The following SSUH2 variants were observed in gnomAD, a reference collection of about 807,000 sequenced individuals.
The protein encoded by SSUH2 is protein SSUH2 homolog.
SSUH2 carries 47 observed loss-of-function variants against 55.3 expected under a neutral mutation model. That is an observed-to-expected ratio of 0.85 (90% CI 0.67 to 1.08). The LOEUF (loss-of-function observed/expected upper bound fraction) is 1.08, where lower values mean the gene tolerates loss of function less well. SSUH2 is among the 50% of genes least tolerant of loss of function. The pLI is 0.00. For synonymous variants in SSUH2, 212 were observed against 191.5 expected, an observed-to-expected ratio of 1.11 and a Z score of -0.89; for missense variants, 535 against 490.7, an observed-to-expected ratio of 1.09 and a Z score of -0.85.
At position 8,666,610 on chromosome 3, in the gene SSUH2, G is replaced by A. The variant is rs994783251; in HGVS notation, c.-454-2808C>T. ...TACCACCGCAACAATCATCAACACAGAAGATGACATCTGTGACCAAATGTA... is the reference window on the plus strand; with the variant it reads ...TACCACCGCAACAATCATCAACACAAAAGATGACATCTGTGACCAAATGTA... On this transcript the variant is annotated intron_variant, in intron 5 of 18. Transcript: ENST00000317371. Among the ~76,000 whole-genome samples, 3 of 152,212 alleles carry A rather than the reference G, an allele frequency of 2.0e-5. No individual in the cohort carries two copies. The East Asian group carries it at 5.8e-4, about 29-fold the overall frequency.
chr3:8,668,993 A>G (rs1308628825), intron 5 of SSUH2, among the ~76,000 whole-genome samples: 1 of 152,032 alleles, frequency 6.6e-6, no homozygotes, highest in Non-Finnish European at 1.5e-5. Flanking sequence ...GGAAGGAGGA[A>G]GAGAGGAAAG....
At chr3:8,679,815 A>C (rs377642) in exon 2 of SSUH2, 58,988 of 152,812 alleles carry the variant, frequency 0.39, 11,703 homozygotes, top group South Asian at 0.4. Flanking sequence ...GCCCAGGATC[A>C]GAAAGAAAGC....
chr3:8,660,285 A>G (rs1262767729), intron 6 of SSUH2, among the ~76,000 whole-genome samples: 2 of 152,204 alleles, frequency 1.3e-5, no homozygotes, highest in African/African-American at 4.8e-5. Flanking sequence ...ACTTTCCATC[A>G]AAGGAAAAGA....
At chr3:8,624,565 T>C (rs1105162) in intron 10 of SSUH2, among the ~76,000 whole-genome samples, 17,646 of 152,212 alleles carry the variant, frequency 0.12, 3,405 homozygotes, top group African/African-American at 0.4. Flanking sequence ...GAAGTCCCAT[T>C]GAAGCCAATC....
chr3:8,667,391 C>G (rs1704087419), intron 5 of SSUH2, among the ~76,000 whole-genome samples: 1 of 152,318 alleles, frequency 6.6e-6, no homozygotes, highest in Middle Eastern at 3.4e-3. Context: ...TGAGGACAAT[C>G]AGAGGTCACT....
chr3:8,634,019 T>A, intron 3 of SSUH2: 1 of 1,463,184 alleles, frequency 6.8e-7, no homozygotes, highest in South Asian at 1.3e-5. Flanking sequence ...AAAAACACTT[T>A]AGTTGAAATG....
Position 8,661,688 on chromosome 3 carries a change from T to C in SSUH2, c.-396+2056A>G, listed in dbSNP as rs187734478. The stretch of plus-strand genomic sequence containing the variant: ...CAGCCTCAGTTTCCACAGGACCACA[T>C]GAAGAGGGCCAGGTAATACTGTATA... On this transcript the variant is annotated intron_variant, in intron 6 of 18. Transcript: ENST00000317371. Among the ~76,000 whole-genome samples the C allele has an allele frequency of 1.2e-4, 18 of 152,286 alleles. No homozygotes were observed. The East Asian group carries it at 3.5e-3, about 29-fold the overall frequency.
chr3:8,620,384 G>A (rs4686280), intron 11 of SSUH2, among the ~76,000 whole-genome samples: 4 of 152,072 alleles, frequency 2.6e-5, no homozygotes, highest in Admixed American at 2.0e-4. Context: ...TCTGCCTCCC[G>A]CCATGATTGT....
intron 1 of SSUH2, among the ~76,000 whole-genome samples, chr3:8,681,418 G>A (rs1430379296): frequency 2.1e-5 from 3 of 143,414 alleles, no homozygotes; most frequent in South Asian, 2.3e-4. Context: ...CACCCCCGGC[G>A]AGCCCGGGAC....
intron 8 of SSUH2, chr3:8,627,441 T>C (rs1306215354): frequency 2.7e-6 from 1 of 372,172 alleles, no homozygotes; most frequent in Non-Finnish European, 4.8e-6. Context: ...GTCCCTGTGT[T>C]TCCTCCCTGC....
At chr3:8,653,234 A>T (rs960649957) in intron 7 of SSUH2, among the ~76,000 whole-genome samples, 1 of 152,260 alleles carries the variant, frequency 6.6e-6, no homozygotes, top group African/African-American at 2.4e-5. Context: ...CGCAGATGTC[A>T]TCTGCTCCAA....
chr3:8,630,494 A>C (rs938840086), intron 6 of SSUH2, among the ~76,000 whole-genome samples: 1 of 152,228 alleles, frequency 6.6e-6, no homozygotes, highest in Non-Finnish European at 1.5e-5. Flanking sequence ...AGCTAAAATA[A>C]ATTTTTAAAA....
intron 1 of SSUH2, among the ~76,000 whole-genome samples, chr3:8,643,857 G>A (rs77706240): frequency 0.012 from 1,890 of 152,102 alleles, 38 homozygotes; most frequent in African/African-American, 0.043. Context: ...AACCAATCTC[G>A]TTTTATAGAT....
intron 1 of SSUH2, among the ~76,000 whole-genome samples, chr3:8,636,104 C>G (rs912415770): frequency 3.3e-5 from 5 of 152,152 alleles, no homozygotes; most frequent in African/African-American, 4.8e-5. Flanking sequence ...CGTGAATATG[C>G]ATTATTGCAT....
At chr3:8,677,528 A>G (rs1705505962) in intron 2 of SSUH2, 2 of 150,808 alleles carry the variant, frequency 1.3e-5, no homozygotes, top group South Asian at 2.1e-4. Context: ...AGTTAAAGGA[A>G]AAACTTCTGG....
intron 3 of SSUH2, among the ~76,000 whole-genome samples, chr3:8,674,747 A>G (rs908805806): frequency 6.6e-6 from 1 of 152,114 alleles, no homozygotes; most frequent in African/African-American, 2.4e-5. Flanking sequence ...CTTTGCTGCT[A>G]AAGTTACCCA....
At position 8,644,795 on chromosome 3, in the gene SSUH2, G is replaced by T. The variant is rs9990415; in HGVS notation, c.-37C>A. 0.016 allele frequency: 24,703 copies of T among 1,534,144 alleles called. 2,556 individuals are homozygous for T. The African/African-American group carries it at 0.26, about 16-fold the overall frequency. On this transcript the variant is annotated 5_prime_UTR_variant, in exon 1 of 12. Transcript: ENST00000544814. ...CCTGCCAAAGAGATGTCTGCCCTTC[G>T]AGTGTGCTTGGACCGATGTGCTCTG...
At position 8,640,136 on chromosome 3, in the gene SSUH2, G is replaced by A. The variant is rs60949274; in HGVS notation, c.29-4279C>T. The A allele has an allele frequency of 6.3e-5, 23 of 363,000 alleles. No individual in the cohort carries two copies. In the East Asian group the frequency reaches 2.3e-3, roughly 37 times the overall value. The allele number at this position is 363,000 out of a possible 1,614,324, so 22.5% of individuals were successfully genotyped here. On this transcript the variant is annotated intron_variant, in intron 1 of 11. Transcript: ENST00000544814. ...AATTTCAGATTTACAAGGTGAAAGG[G>A]GTTCCAGAGAAGGATGGTCATGGCT...
chr3:8,626,007 T>A (rs1021466956), intron 9 of SSUH2, among the ~76,000 whole-genome samples: 1 of 152,156 alleles, frequency 6.6e-6, no homozygotes, highest in Admixed American at 6.5e-5. Flanking sequence ...CCCTAGAAAG[T>A]GGTGATGGCA....
Sources: gnomAD v4.1 joint callset for allele counts (sites outside exome capture counted in the v4.1 genomes callset) on GRCh38, gnomAD v4.1.1 for gene constraint, MANE v1.5 for transcripts, NCBI Gene and HGNC (gene_info 2026-07-23, HGNC 2026-07-21) for gene names.